WWC1: variants seen among roughly 807,000 people sequenced by gnomAD.
WWC1 encodes the protein protein KIBRA.
Under a neutral mutation model 138.4 loss-of-function variants are expected in WWC1, and 55 were observed. The ratio of observed to expected loss-of-function variants is 0.40; its 90% CI spans 0.32 to 0.50. WWC1 has a LOEUF of 0.50. Among genes scored for constraint, WWC1 ranks in the 20% least tolerant of loss-of-function variants. The pLI is 0.72. For missense variants in WWC1, 1,226 were observed against 1,420.4 expected, an observed-to-expected ratio of 0.86 and a Z score of 2.20; for synonymous variants, 524 against 564.9, an observed-to-expected ratio of 0.93 and a Z score of 1.03.
intron 15 of WWC1, among the ~76,000 whole-genome samples, chr5:168,434,217 C>A (rs1349025694): frequency 6.6e-6 from 1 of 152,240 alleles, no homozygotes; most frequent in Non-Finnish European, 1.5e-5. Context: ...TTGCTGGTTG[C>A]CATGGCAGCA....
At chr5:168,390,871 T>C (rs115559496) in intron 3 of WWC1, among the ~76,000 whole-genome samples, 160 of 152,332 alleles carry the variant, frequency 1.1e-3, no homozygotes, top group African/African-American at 3.8e-3. Flanking sequence ...TGGAGGGCAA[T>C]ATGTTAGGCA....
chr5:168,297,644 A>AG (rs1561577789), intron 1 of WWC1, among the ~76,000 whole-genome samples: 5 of 151,710 alleles, frequency 3.3e-5, no homozygotes, highest in Non-Finnish European at 7.4e-5. Context: ...AAAAAAAAAA[A>AG]AAAGAAATTG....
chr5:168,314,038 C>G (rs1771353128), intron 1 of WWC1, among the ~76,000 whole-genome samples: 1 of 152,158 alleles, frequency 6.6e-6, no homozygotes, highest in Admixed American at 6.5e-5. Context: ...TGCAGGAGGT[C>G]ACCAGGGCTA....
intron 1 of WWC1, among the ~76,000 whole-genome samples, chr5:168,334,054 G>A (rs1265963311): frequency 2.9e-3 from 127 of 44,488 alleles, no homozygotes; most frequent in South Asian, 7.0e-3. Flanking sequence ...CATCCCTACT[G>A]AAAAAAAAAA....
chr5:168,379,011 G>A (rs4976598), intron 2 of WWC1, among the ~76,000 whole-genome samples: 81,738 of 151,912 alleles, frequency 0.54, 22,853 homozygotes, highest in East Asian at 0.7. Context: ...TGTGTGCTGT[G>A]TGGAGAATGT....
chr5:168,384,486 G>C (rs1777885215), intron 2 of WWC1, among the ~76,000 whole-genome samples: 2 of 152,134 alleles, frequency 1.3e-5, no homozygotes, highest in African/African-American at 4.8e-5. Context: ...TAGTCTTCTA[G>C]TAAGGCTGTT....
chr5:168,306,515 C>T (rs369246757), intron 1 of WWC1, among the ~76,000 whole-genome samples: 34 of 152,200 alleles, frequency 2.2e-4, no homozygotes, highest in Admixed American at 3.9e-4. Flanking sequence ...GATATTTGGG[C>T]TCCTTTTGCC....
intron 1 of WWC1, among the ~76,000 whole-genome samples, chr5:168,335,040 C>T (rs1773345336): frequency 6.6e-6 from 1 of 151,514 alleles, no homozygotes; most frequent in Non-Finnish European, 1.5e-5. Flanking sequence ...TTTTTCCCCT[C>T]TAAAAAAAAA....
intron 8 of WWC1, among the ~76,000 whole-genome samples, chr5:168,410,450 G>C (rs1374277783): frequency 6.6e-6 from 1 of 152,032 alleles, no homozygotes; most frequent in African/African-American, 2.4e-5. Flanking sequence ...TAGATGTTCT[G>C]TGGCTTCACA....
In WWC1 at chr5:168,428,662, T is replaced by G. The variant is rs1333004497; in HGVS notation, c.1920-45T>G. 4 of 1,593,222 alleles carry G rather than the reference T, an allele frequency of 2.5e-6. No homozygotes were observed. In the African/African-American group the frequency reaches 5.4e-5, roughly 21 times the overall value. ...AACCTCAGCCTCCCAGAATAGTTTG[T>G]TCACTGTAGGGAAGCCTAACTCCTC... is the stretch of plus-strand genomic sequence containing the variant. On this transcript the variant is annotated intron_variant, in intron 12 of 22. Coordinates refer to ENST00000265293, the MANE Select transcript of WWC1 (RefSeq NM_015238.3).
intron 15 of WWC1, among the ~76,000 whole-genome samples, chr5:168,437,980 T>C (rs1754391496): frequency 6.6e-6 from 1 of 152,128 alleles, no homozygotes; most frequent in Non-Finnish European, 1.5e-5. Context: ...AATAAATAAG[T>C]ATTAGACAAA....
At chr5:168,441,914 G>A (rs1267421241) in intron 16 of WWC1, 80 bp downstream of exon 16, 5 of 1,534,196 alleles carry the variant, frequency 3.3e-6, no homozygotes, top group Non-Finnish European at 4.4e-6. Context: ...CAGAACTGGA[G>A]GTGATCAGGC....
intron 20 of WWC1, 129 bp from the exon 21 acceptor site, chr5:168,464,600 G>A: frequency 1.4e-6 from 2 of 1,430,422 alleles, no homozygotes; most frequent in South Asian, 3.0e-5. Flanking sequence ...GGCTTCCCAG[G>A]GAAGGGCAAG....
chr5:168,374,564 G>A (rs1777029178), intron 2 of WWC1, among the ~76,000 whole-genome samples: 1 of 152,230 alleles, frequency 6.6e-6, no homozygotes, highest in South Asian at 2.1e-4. Flanking sequence ...TGAGTGAGGA[G>A]AGGGGAGAAG....
At chr5:168,388,206 C>T (rs1043923849) in intron 3 of WWC1, among the ~76,000 whole-genome samples, 2 of 152,094 alleles carry the variant, frequency 1.3e-5, no homozygotes, top group African/African-American at 4.8e-5. Context: ...GGATCCCTCA[C>T]AAGAATATTT....
intron 1 of WWC1, among the ~76,000 whole-genome samples, chr5:168,334,467 C>G (rs1773294914): frequency 6.6e-6 from 1 of 152,136 alleles, no homozygotes. Context: ...CTACTTACAC[C>G]TACTCATCCT....
At chr5:168,297,612 G>A (rs1482585567) in intron 1 of WWC1, among the ~76,000 whole-genome samples, 1 of 134,506 alleles carries the variant, frequency 7.4e-6, no homozygotes, top group Non-Finnish European at 1.5e-5. Context: ...GGCAACAAGA[G>A]CGAAACTCCA....
chr5:168,464,766 T>A lies in WWC1; in HGVS notation c.2954T>A (p.Ile985Asn). 1.2e-6 allele frequency: 2 copies of A among 1,613,982 alleles called. No individual in the cohort carries two copies. Among genetic ancestry groups the A allele is most frequent in the Non-Finnish European group, 1.7e-6 (2 of 1,180,010 alleles). The change falls in exon 21 of 23, where the codon ATC (isoleucine) becomes AAC (asparagine). Residue 985 changes from isoleucine (I) to asparagine (N), a missense_variant. By Grantham distance (149) the Ile-to-Asn change is moderately radical (BLOSUM62 -3). Around this residue, in one of 3 missense-constraint regions of WWC1, gnomAD observed 206 missense variants for 247.4 expected, o/e 0.83. Coordinates refer to ENST00000265293, the MANE Select transcript of WWC1 (RefSeq NM_015238.3). ...SVKSLRSERL[I>N]RTSLDLELDL... ...AAGTCGCTGCGCTCCGAGCGTCTGA[T>A]CCGTACCTCGCTGGACCTGGAGTTA...
intron 8 of WWC1, among the ~76,000 whole-genome samples, chr5:168,412,462 C>T (rs1303121102): frequency 1.3e-5 from 2 of 152,280 alleles, no homozygotes; most frequent in East Asian, 3.9e-4. Context: ...GGAGCATTGA[C>T]ATAGGGAAAG....
Sources: allele counts gnomAD v4.1 joint callset (sites outside exome capture counted in the v4.1 genomes callset), GRCh38; gene constraint gnomAD v4.1.1; regional missense constraint gnomAD v4.1.1; transcripts MANE v1.5; gene names NCBI Gene and HGNC (gene_info 2026-07-23, HGNC 2026-07-21).